The following CWC27 variants were observed in gnomAD, a reference collection of about 807,000 sequenced individuals.
CWC27 encodes spliceosome-associated protein CWC27 homolog.
In CWC27, 47 loss-of-function variants were observed where a neutral mutation model predicts 63.6. The observed-to-expected ratio is 0.74, with a 90% CI of 0.58 to 0.94. The LOEUF (loss-of-function observed/expected upper bound fraction) is 0.94. Ranked by LOEUF, CWC27 falls within the 40% of genes least tolerant of loss-of-function variation. The probability of loss-of-function intolerance (pLI) is 0.00; values close to 1 mark genes in which losing one functional copy is unlikely to be tolerated. For synonymous variants in CWC27, 175 were observed against 179.8 expected, an observed-to-expected ratio of 0.97 and a Z score of 0.22; for missense variants, 495 against 554.3, an observed-to-expected ratio of 0.89 and a Z score of 1.07.
intron 11 of CWC27, among the ~76,000 whole-genome samples, chr5:64,914,756 C>T (rs1262259599): frequency 6.6e-6 from 1 of 152,010 alleles, no homozygotes; most frequent in African/African-American, 2.4e-5. Context: ...CTGATTCTAC[C>T]GTTACATACC....
intron 11 of CWC27, among the ~76,000 whole-genome samples, chr5:64,939,575 A>C (rs1298285675): frequency 6.6e-6 from 1 of 152,218 alleles, no homozygotes; most frequent in Non-Finnish European, 1.5e-5. Context: ...AGGTGCCTTC[A>C]AGTCAGGAGG....
At chr5:64,827,289 A>G (rs1365969188) in intron 10 of CWC27, among the ~76,000 whole-genome samples, 3 of 152,194 alleles carry the variant, frequency 2.0e-5, no homozygotes, top group Admixed American at 6.6e-5. Context: ...ACCTAGAACC[A>G]TCTGACCCAG....
intron 13 of CWC27, among the ~76,000 whole-genome samples, chr5:65,000,271 A>G (rs1298836228): frequency 6.6e-6 from 1 of 151,974 alleles, no homozygotes; most frequent in African/African-American, 2.4e-5. Context: ...AATATTTTCT[A>G]CATTCAACAG....
At chr5:64,959,651 T>C (rs1454745987) in intron 11 of CWC27, among the ~76,000 whole-genome samples, 1 of 152,168 alleles carries the variant, frequency 6.6e-6, no homozygotes, top group Non-Finnish European at 1.5e-5. Context: ...CCCTTATACC[T>C]CAACTTAATT....
At chr5:64,798,905 T>G (rs1260714863) in intron 7 of CWC27, among the ~76,000 whole-genome samples, 1 of 152,192 alleles carries the variant, frequency 6.6e-6, no homozygotes, top group African/African-American at 2.4e-5. Context: ...TTTATATGAT[T>G]AGTTGGGAGT....
In CWC27 at chr5:64,837,506, C is replaced by CT. The variant is rs561589444; in HGVS notation, c.938+33131dup. Among the ~76,000 whole-genome samples the CT allele has an allele frequency of 9.1e-3, 1,314 of 144,338 alleles. 6 individuals carry two copies. The highest frequency in any genetic ancestry group is 0.016 in the African/African-American group (620 of 39,688). 94.7% of individuals were successfully genotyped at this position (144,338 alleles called of 152,430 possible). A position where few individuals can be genotyped will look rare whatever the true frequency, so the allele number is the denominator to read the frequency against. ...CATGAGAAGATTCAAAACTCATTCTCTTTTTTTTTTTGTGAAGAAACCAGA... is the reference window on the plus strand; with the variant it reads ...CATGAGAAGATTCAAAACTCATTCTCTTTTTTTTTTTTGTGAAGAAACCAGA... On this transcript the variant is annotated intron_variant, in intron 10 of 13. Coordinates refer to ENST00000381070, the MANE Select transcript of CWC27 (RefSeq NM_005869.4).
At chr5:64,863,417 A>G (rs1314479128) in intron 10 of CWC27, among the ~76,000 whole-genome samples, 1 of 149,876 alleles carries the variant, frequency 6.7e-6, no homozygotes, top group African/African-American at 2.5e-5. Context: ...GTTCTCCCCT[A>G]CTCTGCCCTC....
intron 7 of CWC27, among the ~76,000 whole-genome samples, chr5:64,794,375 T>G (rs1267094896): frequency 6.6e-6 from 1 of 151,908 alleles, no homozygotes; most frequent in Admixed American, 6.6e-5. Context: ...GTAATAGGAG[T>G]ACATGTAAAT....
intron 11 of CWC27, among the ~76,000 whole-genome samples, chr5:64,889,843 A>G (rs16893229): frequency 0.37 from 56,662 of 151,942 alleles, 11,278 homozygotes; most frequent in East Asian, 0.52. Context: ...GTAAATCATC[A>G]AGGCCTGTGC....
rs2112471246 is a variant in CWC27, at chr5:65,007,153, T to C, written c.1257-11006T>C. Among the ~76,000 whole-genome samples, 4 of 152,316 alleles carry C rather than the reference T, an allele frequency of 2.6e-5. No homozygotes were observed. The South Asian group carries it at 8.3e-4, about 32-fold the overall frequency. On this transcript the variant is annotated intron_variant, in intron 13 of 13. Coordinates refer to ENST00000381070, the MANE Select transcript of CWC27 (RefSeq NM_005869.4). ...TACCCTTGAAACGATGTGATGCTAA[T>C]GGCATTTTACATCTAAGGCCTTTCT...
At chr5:64,852,775 CT>C (rs79444686) in intron 10 of CWC27, among the ~76,000 whole-genome samples, 764 of 144,216 alleles carry the variant, frequency 5.3e-3, no homozygotes, top group African/African-American at 6.2e-3. Flanking sequence ...TCCCGGCCAC[CT>C]TTTTTTTTTT....
At chr5:64,979,041 T>A (rs183831619) in intron 13 of CWC27, among the ~76,000 whole-genome samples, 1 of 152,226 alleles carries the variant, frequency 6.6e-6, no homozygotes, top group African/African-American at 2.4e-5. Flanking sequence ...TAGCTTCAGA[T>A]ACCAATGATG....
At chr5:64,925,365 A>G (rs532001100) in intron 11 of CWC27, among the ~76,000 whole-genome samples, 2 of 152,312 alleles carry the variant, frequency 1.3e-5, no homozygotes, top group East Asian at 3.9e-4. Context: ...TATTTGTTCC[A>G]TTCTGAGTCA....
chr5:64,909,541 G>C (rs771006878), intron 11 of CWC27, among the ~76,000 whole-genome samples: 3 of 152,162 alleles, frequency 2.0e-5, no homozygotes, highest in African/African-American at 7.2e-5. Context: ...TTCCAACTTG[G>C]ATCCATTCTC....
chr5:64,926,433 TTG>T (rs1748109108), intron 11 of CWC27, among the ~76,000 whole-genome samples: 1 of 151,678 alleles, frequency 6.6e-6, no homozygotes, highest in Admixed American at 6.6e-5. Context: ...TTGCCCAGGC[TTG>T]CTTGCTGTAC....
Position 65,018,400 on chromosome 5 carries a change from C to T in CWC27, c.*79C>T. 8.4e-7 allele frequency: 1 copy of T among 1,191,816 alleles called. No individual in the cohort carries two copies. Among genetic ancestry groups the T allele is most frequent in the Non-Finnish European group, 1.2e-6 (1 of 868,020 alleles). The allele number at this position is 1,191,816 out of a possible 1,614,324, so 73.8% of individuals were successfully genotyped here. A position where few individuals can be genotyped will look rare whatever the true frequency, so the allele number is the denominator to read the frequency against. ...TAACAGCCATTGTTCCCAACAGCAT[C>T]ACTTAGGGGTGTGAAAAGAAGTATT... On this transcript the variant is annotated 3_prime_UTR_variant, in exon 14 of 14. Transcript: ENST00000381070.
intron 11 of CWC27, among the ~76,000 whole-genome samples, chr5:64,938,928 G>A (rs566917330): frequency 6.6e-6 from 1 of 152,248 alleles, no homozygotes; most frequent in Admixed American, 6.5e-5. Context: ...GCTTCATGAA[G>A]TTCTCGTGAT....
chr5:64,983,978 C>T (rs570903229), intron 13 of CWC27, among the ~76,000 whole-genome samples: 169 of 151,986 alleles, frequency 1.1e-3, no homozygotes, highest in African/African-American at 3.7e-3. Flanking sequence ...ACCACAGGTG[C>T]GCACCACCAC....
At chr5:64,882,876 G>A (rs554076805) in intron 10 of CWC27, among the ~76,000 whole-genome samples, 13 of 152,310 alleles carry the variant, frequency 8.5e-5, no homozygotes, top group African/African-American at 2.6e-4. Context: ...GATTACAGGC[G>A]TGAGCCACCA....
Sources: gnomAD v4.1 joint callset for allele counts (sites outside exome capture counted in the v4.1 genomes callset) on GRCh38, gnomAD v4.1.1 for gene constraint, MANE v1.5 for transcripts, NCBI Gene and HGNC (gene_info 2026-07-23, HGNC 2026-07-21) for gene names.